The following PHF21B variants were observed in gnomAD, a reference collection of about 807,000 sequenced individuals.
PHF21B encodes PHD finger protein 4.
In PHF21B, 22 loss-of-function variants were observed where a neutral mutation model predicts 62.2. That is an observed-to-expected ratio of 0.35 (90% confidence interval 0.25 to 0.51). PHF21B has a LOEUF of 0.51. Ranked by LOEUF, PHF21B falls within the 20% of genes least tolerant of loss-of-function variation. The probability of loss-of-function intolerance (pLI) is 0.97; values close to 1 mark genes in which losing one functional copy is unlikely to be tolerated. For synonymous variants in PHF21B, 341 were observed against 314.7 expected (o/e 1.08, Z -0.88); for missense variants, 701 against 707.9 (o/e 0.99, Z 0.11).
chr22:45,006,172 C>A (rs1449512414), intron 2 of PHF21B, among the ~76,000 whole-genome samples: 1 of 152,172 alleles, frequency 6.6e-6, no homozygotes, highest in Non-Finnish European at 1.5e-5. Flanking sequence ...CAGCCCCCTC[C>A]CCTCCCTCTT....
chr22:44,991,733 C>T (rs1005627957), intron 2 of PHF21B, among the ~76,000 whole-genome samples: 3 of 152,248 alleles, frequency 2.0e-5, no homozygotes, highest in African/African-American at 7.2e-5. Flanking sequence ...CCTCCCTCCA[C>T]TGGCCTGCTA....
In PHF21B at chr22:44,914,466, G is replaced by A. The variant is rs1003497028; in HGVS notation, c.565-378C>T. 2.6e-5 allele frequency among the ~76,000 whole-genome samples: 4 copies of A among 152,340 alleles called. No homozygotes were observed. In the South Asian group the frequency reaches 6.2e-4, roughly 24 times the overall value. ...CCAGGGAGGCCGTGCACACTCAGGCGGCGAGGACTTCTCATCCCAGCTCAG... is the reference window on the plus strand; with the variant it reads ...CCAGGGAGGCCGTGCACACTCAGGCAGCGAGGACTTCTCATCCCAGCTCAG... On this transcript the variant is annotated intron_variant, in intron 4 of 12. Transcript: ENST00000313237.
chr22:44,905,379 T>C (rs2071230060), intron 5 of PHF21B, among the ~76,000 whole-genome samples: 1 of 152,262 alleles, frequency 6.6e-6, no homozygotes, highest in African/African-American at 2.4e-5. Context: ...AATTTTTATG[T>C]TCATCTAAAT....
intron 2 of PHF21B, among the ~76,000 whole-genome samples, chr22:44,977,336 G>T (rs1395092837): frequency 6.6e-6 from 1 of 151,904 alleles, no homozygotes; most frequent in African/African-American, 2.4e-5. Flanking sequence ...AGGCCGAGGT[G>T]GGCAGATCAC....
intron 2 of PHF21B, among the ~76,000 whole-genome samples, chr22:44,944,661 C>A (rs1306275873): frequency 2.0e-5 from 3 of 152,238 alleles, no homozygotes; most frequent in Non-Finnish European, 4.4e-5. Context: ...GTTCCTCTAT[C>A]TGCTAGATGT....
intron 2 of PHF21B, among the ~76,000 whole-genome samples, chr22:44,954,356 C>T (rs989890678): frequency 9.9e-5 from 15 of 152,230 alleles, no homozygotes; most frequent in African/African-American, 2.4e-4. Context: ...GGCCCTCTCA[C>T]GCTCAGGGAT....
chr22:44,886,071 T>C, intron 10 of PHF21B, 133 bp from the exon 11 acceptor site: 1 of 744,216 alleles, frequency 1.3e-6, no homozygotes. Context: ...GACCAGGAGC[T>C]GGGGCCGCAC....
At position 44,930,231 on chromosome 22, in the gene PHF21B, C is replaced by T. The variant is rs5765092; in HGVS notation, c.121-9741G>A. Among the ~76,000 whole-genome samples, 3,765 of 152,230 alleles carry T rather than the reference C, an allele frequency of 0.025. 491 individuals carry two copies. The East Asian group carries it at 0.39, about 16-fold the overall frequency. On this transcript the variant is annotated intron_variant, in intron 2 of 12. Coordinates refer to ENST00000313237, the MANE Select transcript of PHF21B (RefSeq NM_138415.5). ...GCCAGGGCTGGGTCTATCCCCAAGTCATGACTGCGGCTGCCCCTGTGGAGG... is the reference window on the plus strand; with the variant it reads ...GCCAGGGCTGGGTCTATCCCCAAGTTATGACTGCGGCTGCCCCTGTGGAGG...
In PHF21B at chr22:44,995,019, G is replaced by A. The variant is rs1049056390; in HGVS notation, c.120+13526C>T. On this transcript the variant is annotated intron_variant, in intron 2 of 12. Transcript: ENST00000313237. Reference sequence around the variant, plus strand: ...ACTGGTACTCGCCAGCCAGGTCCCCGGCTCTCAGAGCTGTGTTTGCCTTTT... The same window carrying A: ...ACTGGTACTCGCCAGCCAGGTCCCCAGCTCTCAGAGCTGTGTTTGCCTTTT... 5.9e-5 allele frequency among the ~76,000 whole-genome samples: 9 copies of A among 152,160 alleles called. 1 individual carries two copies. The highest frequency in any genetic ancestry group is 4.6e-4 in the Admixed American group (7 of 15,282).
intron 2 of PHF21B, among the ~76,000 whole-genome samples, chr22:45,003,834 C>T (rs961806918): frequency 6.6e-6 from 1 of 152,220 alleles, no homozygotes; most frequent in Middle Eastern, 3.4e-3. Flanking sequence ...AGTGCTGATA[C>T]GTGCTACAAC....
At chr22:44,962,481 T>C (rs555631117) in intron 2 of PHF21B, among the ~76,000 whole-genome samples, 15 of 152,338 alleles carry the variant, frequency 9.8e-5, no homozygotes, top group African/African-American at 3.4e-4. Flanking sequence ...CTACCTAGCA[T>C]TGCAAGTGAG....
intron 2 of PHF21B, among the ~76,000 whole-genome samples, chr22:44,957,703 T>C (rs1031807415): frequency 1.3e-5 from 2 of 152,264 alleles, no homozygotes; most frequent in African/African-American, 2.4e-5. Flanking sequence ...CTAACCTAAA[T>C]AGGTTTCTCT....
chr22:44,973,811 G>T (rs1387971551), intron 2 of PHF21B, among the ~76,000 whole-genome samples: 1 of 152,248 alleles, frequency 6.6e-6, no homozygotes, highest in Non-Finnish European at 1.5e-5. Flanking sequence ...CAGAAGCTAT[G>T]CAACTAGCTG....
chr22:44,948,168 C>A (rs910498094), intron 2 of PHF21B, among the ~76,000 whole-genome samples: 3 of 152,172 alleles, frequency 2.0e-5, no homozygotes, highest in African/African-American at 7.2e-5. Context: ...AAGCACATTA[C>A]ATTTATTGTG....
intron 2 of PHF21B, among the ~76,000 whole-genome samples, chr22:44,955,677 C>A (rs1028115625): frequency 6.6e-6 from 1 of 152,198 alleles, no homozygotes; most frequent in Non-Finnish European, 1.5e-5. Context: ...ACCCACCAGA[C>A]CCTCAGGCCT....
chr22:44,998,141 A>G (rs1166748774), intron 2 of PHF21B, among the ~76,000 whole-genome samples: 1 of 152,210 alleles, frequency 6.6e-6, no homozygotes, highest in Non-Finnish European at 1.5e-5. Flanking sequence ...TCTGGAACAC[A>G]CTGTGCCCTG....
At chr22:44,984,391 C>T (rs1051772652) in intron 2 of PHF21B, among the ~76,000 whole-genome samples, 1 of 151,974 alleles carries the variant, frequency 6.6e-6, no homozygotes, top group African/African-American at 2.4e-5. Flanking sequence ...TTAACCTTAC[C>T]CAGAGCCTTG....
chr22:44,967,503 G>T (rs1394112252), intron 2 of PHF21B, among the ~76,000 whole-genome samples: 1 of 152,184 alleles, frequency 6.6e-6, no homozygotes. Context: ...TTACAGGCGT[G>T]AGCCACTGTG....
intron 2 of PHF21B, among the ~76,000 whole-genome samples, chr22:44,930,954 G>A (rs1000007983): frequency 7.2e-5 from 11 of 152,214 alleles, no homozygotes; most frequent in Admixed American, 2.6e-4. Flanking sequence ...CCGATACCCA[G>A]CAGCTCCGGA....
Sources: gnomAD v4.1 joint callset for allele counts (sites outside exome capture counted in the v4.1 genomes callset) on GRCh38, gnomAD v4.1.1 for gene constraint, MANE v1.5 for transcripts, NCBI Gene and HGNC (gene_info 2026-07-23, HGNC 2026-07-21) for gene names.